Variants in HDGFL3 observed in about 807,000 individuals in gnomAD.
The protein encoded by HDGFL3 is HDGF like 3, also known as hepatoma-derived growth factor-related protein 3.
In HDGFL3, 6 loss-of-function variants were observed where a neutral mutation model predicts 27.6. The ratio of observed to expected loss-of-function variants is 0.22; its 90% CI spans 0.12 to 0.43. The LOEUF is 0.43. Ranked by LOEUF, HDGFL3 falls within the 20% of genes least tolerant of loss-of-function variation. The pLI, the probability that HDGFL3 is intolerant of heterozygous loss-of-function variation, is 1.00. For missense variants in HDGFL3, 207 were observed against 250.1 expected (o/e 0.83, Z 1.16); for synonymous variants, 88 against 88.9 (o/e 0.99, Z 0.05).
chr15:83,177,591 C>T (rs2037328326), intron 1 of HDGFL3, among the ~76,000 whole-genome samples: 2 of 152,158 alleles, frequency 1.3e-5, no homozygotes, highest in Admixed American at 1.3e-4. Context: ...TCCTAGTTAG[C>T]TTCAAGACCC....
At chr15:83,141,412 T>G (rs899926001) in intron 5 of HDGFL3, among the ~76,000 whole-genome samples, 2 of 152,130 alleles carry the variant, frequency 1.3e-5, no homozygotes, top group African/African-American at 2.4e-5. Context: ...CATTTTGATA[T>G]GAAGGAATGA....
chr15:83,207,518 G>T lies in HDGFL3; in HGVS notation c.-104C>A. On this transcript the variant is annotated 5_prime_UTR_variant, in exon 1 of 6. Coordinates refer to ENST00000299633, the MANE Select transcript of HDGFL3 (RefSeq NM_016073.4). This position sits in a 1 kb window ranked among gnomAD's most constrained non-coding sequence, Gnocchi z 4.8. ...GCGCCGCGCTCCCCGCGGGCCTCAA[G>T]CCGGGCGGACGAGCGGCCGCTCCGA... The T allele has an allele frequency of 2.1e-6, 2 of 945,024 alleles. No homozygotes were observed. Among genetic ancestry groups the T allele is most frequent in the Non-Finnish European group, 2.8e-6 (2 of 725,710 alleles). The allele number at this position is 945,024 out of a possible 1,614,324, so 58.5% of individuals were successfully genotyped here. A position where few individuals can be genotyped will look rare whatever the true frequency, so the allele number is the denominator to read the frequency against.
chr15:83,162,784 C>A (rs1430718630), intron 2 of HDGFL3, among the ~76,000 whole-genome samples: 2 of 152,310 alleles, frequency 1.3e-5, no homozygotes, highest in East Asian at 1.9e-4. Flanking sequence ...CTAGGCTCTA[C>A]TAACGTTCAA....
At position 83,150,133 on chromosome 15, in the gene HDGFL3, G is replaced by T. The variant is rs574215832; in HGVS notation, c.606+1082C>A. ...CCACATTCTGAGTATTAAGGGGGTA[G>T]GACAACTCTTCCTTTGTCATGAGAA... On this transcript the variant is annotated intron_variant, in intron 5 of 5. Transcript: ENST00000299633. Among the ~76,000 whole-genome samples, 162 of 152,270 alleles carry T rather than the reference G, an allele frequency of 1.1e-3. 1 individual carries two copies. Among genetic ancestry groups the T allele is most frequent in the Non-Finnish European group, 1.9e-3 (129 of 68,016 alleles).
intron 3 of HDGFL3, among the ~76,000 whole-genome samples, chr15:83,118,493 C>G (rs2034905298): frequency 6.6e-6 from 1 of 152,160 alleles, no homozygotes; most frequent in Non-Finnish European, 1.5e-5. Flanking sequence ...AGAGCAAGTC[C>G]AAGAGAAGGG....
chr15:83,153,956 T>C (rs1054945261), intron 4 of HDGFL3, among the ~76,000 whole-genome samples: 3 of 151,312 alleles, frequency 2.0e-5, no homozygotes, highest in African/African-American at 7.3e-5. Context: ...TGGAATGTAG[T>C]AAAAAAAAGT....
chr15:83,176,793 G>A (rs534141136), intron 1 of HDGFL3, among the ~76,000 whole-genome samples: 1 of 151,620 alleles, frequency 6.6e-6, no homozygotes, highest in South Asian at 2.1e-4. Flanking sequence ...CCTCAAACTC[G>A]GCAGGATTTT....
rs1166643724 is a variant in HDGFL3 at position 83,191,172 on chromosome 15, T to G, written c.84+16159A>C. On this transcript the variant is annotated intron_variant, in intron 1 of 5. Coordinates refer to ENST00000299633, the MANE Select transcript of HDGFL3 (RefSeq NM_016073.4). ...TCTTAATTTACTGTTAATTACTATT[T>G]GAACAATTCTGTGTGTTGATAACTG... 2.0e-5 allele frequency among the ~76,000 whole-genome samples: 3 copies of G among 152,204 alleles called. No homozygotes were observed. The East Asian group carries it at 5.8e-4, about 29-fold the overall frequency.
chr15:83,174,702 G>A (rs1337480830), intron 1 of HDGFL3, among the ~76,000 whole-genome samples: 1 of 152,182 alleles, frequency 6.6e-6, no homozygotes, highest in African/African-American at 2.4e-5. Context: ...ATGGTTATGT[G>A]ATAGGCACTG....
At chr15:83,201,151 T>G (rs1197020131) in intron 1 of HDGFL3, among the ~76,000 whole-genome samples, 2 of 152,036 alleles carry the variant, frequency 1.3e-5, no homozygotes, top group African/African-American at 2.4e-5. Context: ...TCCTTCATAG[T>G]CAGTACTTCT....
intron 1 of HDGFL3, among the ~76,000 whole-genome samples, chr15:83,164,904 G>T (rs2037150858): frequency 6.6e-6 from 1 of 152,190 alleles, no homozygotes; most frequent in Non-Finnish European, 1.5e-5. Flanking sequence ...GTGTGAAACT[G>T]CATGGAGTTG....
At chr15:83,162,905 T>C (rs1341259315) in intron 2 of HDGFL3, among the ~76,000 whole-genome samples, 1 of 152,234 alleles carries the variant, frequency 6.6e-6, no homozygotes, top group African/African-American at 2.4e-5. Context: ...TAAATAACCA[T>C]ATCCGTTCCT....
chr15:83,142,441 G>A (rs970004236), intron 5 of HDGFL3, among the ~76,000 whole-genome samples: 8 of 152,074 alleles, frequency 5.3e-5, no homozygotes, highest in African/African-American at 1.7e-4. Flanking sequence ...ACCAGATACC[G>A]CGTGTTCTTG....
chr15:83,154,692 TA>T (rs2037007093), intron 4 of HDGFL3, among the ~76,000 whole-genome samples: 1 of 152,206 alleles, frequency 6.6e-6, no homozygotes, highest in African/African-American at 2.4e-5. Context: ...AGAATGATAG[TA>T]AAAGTGAAAA....
rs934603817 is a variant in HDGFL3, at chr15:83,164,128, G to A, written c.85-53C>T. On this transcript the variant is annotated intron_variant, in intron 1 of 5. Coordinates refer to ENST00000299633, the MANE Select transcript of HDGFL3 (RefSeq NM_016073.4). ...TGAGTGGTTATCATAAATACAATGT[G>A]AGCATTGTTCTGATAATTTACTGCT... 6 of 1,077,438 alleles carry A rather than the reference G, an allele frequency of 5.6e-6. 1 individual carries two copies. The East Asian group carries it at 7.8e-5, about 14-fold the overall frequency. The allele number at this position is 1,077,438 out of a possible 1,614,324, so 66.7% of individuals were successfully genotyped here. A position where few individuals can be genotyped will look rare whatever the true frequency, so the allele number is the denominator to read the frequency against.
intron 1 of HDGFL3, among the ~76,000 whole-genome samples, chr15:83,203,741 G>T (rs2037681048): frequency 6.6e-6 from 1 of 151,612 alleles, no homozygotes; most frequent in Admixed American, 6.6e-5. Context: ...ACGATATTGT[G>T]CAATGAAAAT....
intron 1 of HDGFL3, among the ~76,000 whole-genome samples, chr15:83,195,998 G>C (rs2037566429): frequency 6.6e-6 from 1 of 151,858 alleles, no homozygotes; most frequent in African/African-American, 2.4e-5. Flanking sequence ...ACTCCATCCT[G>C]AAGTTACAAG....
intron 1 of HDGFL3, among the ~76,000 whole-genome samples, chr15:83,185,547 G>A (rs922465098): frequency 2.0e-5 from 3 of 152,142 alleles, no homozygotes; most frequent in Admixed American, 1.3e-4. Flanking sequence ...CTTAAATCCC[G>A]TCAAAGAGGC....
chr15:83,207,435 GT>G lies in HDGFL3; in HGVS notation c.-22del. On this transcript the variant is annotated 5_prime_UTR_variant, in exon 1 of 6. Transcript: ENST00000299633. The surrounding 1 kb of genome is among the most constrained non-coding windows in gnomAD (Gnocchi z 4.8). ...GCCATCCCAGCCGCTCCCCTTCCTG[GT>G]AGTCCTTGGTCGCCGCGAAGATGCC... 7.8e-7 allele frequency: 1 copy of G among 1,289,980 alleles called. No homozygotes were observed. Among genetic ancestry groups the G allele is most frequent in the Non-Finnish European group, 9.9e-7 (1 of 1,010,562 alleles). The allele number at this position is 1,289,980 out of a possible 1,614,324, so 79.9% of individuals were successfully genotyped here. A position where few individuals can be genotyped will look rare whatever the true frequency, so the allele number is the denominator to read the frequency against.
Sources: allele counts gnomAD v4.1 joint callset (sites outside exome capture counted in the v4.1 genomes callset), GRCh38; gene constraint gnomAD v4.1.1; non-coding constraint Gnocchi (gnomAD v3.1); transcripts MANE v1.5; gene names NCBI Gene and HGNC (gene_info 2026-07-23, HGNC 2026-07-21).